The following TGM5 variants were observed in gnomAD, a reference collection of about 807,000 sequenced individuals.
TGM5 encodes the protein transglutaminase 5.
Under a neutral mutation model 77.2 loss-of-function variants are expected in TGM5, and 69 were observed. The ratio of observed to expected loss-of-function variants is 0.89; its 90% confidence interval spans 0.74 to 1.09. The LOEUF (loss-of-function observed/expected upper bound fraction) is 1.09, where lower values mean the gene tolerates loss of function less well. Among genes scored for constraint, TGM5 ranks in the 50% least tolerant of loss-of-function variants. The probability of loss-of-function intolerance (pLI) is 0.00; values close to 1 mark genes in which losing one functional copy is unlikely to be tolerated. For missense variants in TGM5, 842 were observed against 896.5 expected (o/e 0.94, Z 0.78); for synonymous variants, 346 against 351.8 (o/e 0.98, Z 0.18).
intron 5 of TGM5, 69 bp from the exon 6 acceptor site, chr15:43,253,005 T>A: frequency 6.5e-7 from 1 of 1,541,810 alleles, no homozygotes; most frequent in Non-Finnish European, 8.9e-7. Flanking sequence ...GTGGGCTGCC[T>A]TGGAAGACCC....
chr15:43,239,202 A>G lies in TGM5; in HGVS notation c.1066T>C (p.Trp356Arg), dbSNP rs752941309. The change falls in exon 8 of 13, where the codon TGG becomes CGG. Residue 356 changes from tryptophan (W) to arginine (R), a missense_variant. Around this residue, in one of 2 missense-constraint regions of TGM5, gnomAD observed 815 missense variants for 844.6 expected, o/e 0.96. Coordinates refer to ENST00000220420, the MANE Select transcript of TGM5 (RefSeq NM_201631.4). ...RKDLPPAYGG[W>R]QVLDATPQEM... ...TGAGGTGTGGCGTCCAGCACCTGCC[A>G]GCCTCCATATGCAGGGGGCAGATCC... 14 of 1,614,142 alleles carry G rather than the reference A, an allele frequency of 8.7e-6. No homozygotes were observed. The highest frequency in any genetic ancestry group is 1.2e-5 in the Non-Finnish European group (14 of 1,180,002).
In TGM5 at chr15:43,235,767, G is replaced by C; in HGVS notation, c.1416C>G (p.Ser472=). ...AAGGTTGCAACTCTGCTCCTCTTTG[G>C]GAGCCATGGAAGCTTCTAGCCTTCA... is the stretch of plus-strand genomic sequence containing the variant. The part of the protein sequence containing the change: ...QKLKARSFHG[S]QRGAELQPSR... Residue 472 remains serine (S), a synonymous_variant, in exon 10 of 13, where the codon TCC becomes TCG. Transcript: ENST00000220420. 6.2e-7 allele frequency: 1 copy of C among 1,614,124 alleles called. No individual in the cohort carries two copies. Among genetic ancestry groups the C allele is most frequent in the African/African-American group, 1.3e-5 (1 of 75,036 alleles).
intron 6 of TGM5, among the ~76,000 whole-genome samples, chr15:43,243,297 T>C (rs2042650929): frequency 6.6e-6 from 1 of 152,250 alleles, no homozygotes; most frequent in African/African-American, 2.4e-5. Flanking sequence ...ATGAGTGGTG[T>C]CTTGTGAATC....
At chr15:43,245,696 C>T (rs1425492082) in intron 6 of TGM5, among the ~76,000 whole-genome samples, 3 of 152,064 alleles carry the variant, frequency 2.0e-5, no homozygotes, top group Admixed American at 6.6e-5. Context: ...TCAAGAAGTA[C>T]AAATGAGCAC....
chr15:43,249,230 A>C (rs577625217), intron 6 of TGM5, among the ~76,000 whole-genome samples: 4 of 152,340 alleles, frequency 2.6e-5, no homozygotes, highest in African/African-American at 9.6e-5. Flanking sequence ...TAGACCAGGC[A>C]TATTCCCAGG....
Position 43,232,911 on chromosome 15 carries a change from C to T in TGM5, c.*280G>A, listed in dbSNP as rs990177911. The T allele has an allele frequency of 4.6e-6, 2 of 439,052 alleles. No individual in the cohort carries two copies. The allele number at this position is 439,052 out of a possible 1,614,324, so 27.2% of individuals were successfully genotyped here. A position where few individuals can be genotyped will look rare whatever the true frequency, so the allele number is the denominator to read the frequency against. ...CTACCTGTTCTCTGGATGCTGGAGT[C>T]TCCTATTCATTCATTCAAAAAATAT... On this transcript the variant is annotated 3_prime_UTR_variant, in exon 13 of 13. Transcript: ENST00000220420.
At chr15:43,255,240 G>A (rs2042735152) in intron 4 of TGM5, among the ~76,000 whole-genome samples, 1 of 152,074 alleles carries the variant, frequency 6.6e-6, no homozygotes, top group Non-Finnish European at 1.5e-5. Context: ...AGGCTGAGGT[G>A]GGAGGATCAC....
At position 43,260,255 on chromosome 15, in the gene TGM5, C is replaced by T. The variant is rs201508201; in HGVS notation, c.233G>A (p.Ser78Asn). The T allele has an allele frequency of 6.2e-7, 1 of 1,613,984 alleles. No individual in the cohort carries two copies. Among genetic ancestry groups the T allele is most frequent in the African/African-American group, 1.3e-5 (1 of 75,048 alleles). Residue 78 changes from serine (S) to asparagine (N), a missense_variant, in exon 3 of 13, where the codon AGC becomes AAC. By Grantham distance (46) the Ser-to-Asn change is conservative. Around this residue, in one of 2 missense-constraint regions of TGM5, gnomAD observed 815 missense variants for 844.6 expected, o/e 0.96. Transcript: ENST00000220420. ...GCTGGGGCTGTGATGGCGTGCCAGG[C>T]TGAACACAGCCCGAGTCCCCAAGGC... ...DLALGTRAVF[S>N]LARHHSPSPW... is the part of the protein sequence containing the mutation.
intron 7 of TGM5, among the ~76,000 whole-genome samples, chr15:43,240,322 T>C (rs760312994): frequency 8.5e-5 from 13 of 152,160 alleles, no homozygotes; most frequent in African/African-American, 1.4e-4. Context: ...CTATTACCAT[T>C]AGGTCATACC....
intron 6 of TGM5, among the ~76,000 whole-genome samples, chr15:43,241,932 G>A (rs1408746894): frequency 6.6e-6 from 1 of 152,100 alleles, no homozygotes; most frequent in Non-Finnish European, 1.5e-5. Context: ...GAGCCACCGC[G>A]CCCGGCCTCT....
intron 9 of TGM5, among the ~76,000 whole-genome samples, chr15:43,238,508 C>G (rs2042606887): frequency 6.6e-6 from 1 of 152,232 alleles, no homozygotes; most frequent in African/African-American, 2.4e-5. Context: ...AGAGTGTTTA[C>G]TAAATTCCCT....
intron 6 of TGM5, among the ~76,000 whole-genome samples, chr15:43,251,584 GCTTAACACAATAAATAACCTTCTGAT>G (rs2042703928): frequency 6.6e-6 from 1 of 152,106 alleles, no homozygotes; most frequent in Admixed American, 6.5e-5. Context: ...TCTCTCCCCA[GCTTAACACAATAAATAACCTTCTGAT>G]CGCCACCCAA....
chr15:43,260,246 C>A lies in TGM5; in HGVS notation c.242G>T (p.Arg81Leu), dbSNP rs546033974. The change falls in exon 3 of 13, where the codon CGC (arginine) becomes CTC (leucine). Residue 81 changes from arginine (R) to leucine (L), a missense_variant. Physicochemically the swap from Arg to Leu is moderately radical, Grantham distance 102 (BLOSUM62 -2). Coordinates refer to ENST00000220420, the MANE Select transcript of TGM5 (RefSeq NM_201631.4). ...LGTRAVFSLA[R>L]HHSPSPWIAW... ...AATCCAGGGGCTGGGGCTGTGATGG[C>A]GTGCCAGGCTGAACACAGCCCGAGT... 1 of 1,613,882 alleles carries A rather than the reference C, an allele frequency of 6.2e-7. No homozygotes were observed. Among genetic ancestry groups the A allele is most frequent in the Admixed American group, 1.7e-5 (1 of 60,018 alleles).
chr15:43,240,627 G>A (rs1566829999), intron 7 of TGM5, among the ~76,000 whole-genome samples: 1 of 148,500 alleles, frequency 6.7e-6, no homozygotes, highest in Non-Finnish European at 1.5e-5. Context: ...CTTATGATAT[G>A]AGACTTCTAA....
chr15:43,253,034 G>T, intron 5 of TGM5, 98 bp from the exon 6 acceptor site: 1 of 1,356,552 alleles, frequency 7.4e-7, no homozygotes, highest in Non-Finnish European at 1.0e-6. Context: ...GAGAAACAGA[G>T]GAGAGACTTT....
chr15:43,263,596 A>T (rs2042804996), intron 1 of TGM5, among the ~76,000 whole-genome samples: 1 of 152,242 alleles, frequency 6.6e-6, no homozygotes, highest in South Asian at 2.1e-4. Context: ...TGCTGGGACA[A>T]GTGGATATCC....
intron 1 of TGM5, among the ~76,000 whole-genome samples, chr15:43,263,812 T>G (rs983399276): frequency 2.6e-5 from 4 of 152,116 alleles, no homozygotes; most frequent in African/African-American, 9.7e-5. Flanking sequence ...ACCAAATGAA[T>G]TGGACCTCAT....
At position 43,260,051 on chromosome 15, in the gene TGM5, CCTGGG is replaced by C. The variant is rs755308442; in HGVS notation, c.432_436del (p.Cys144Ter). 7 of 1,613,566 alleles carry C rather than the reference CCTGGG, an allele frequency of 4.3e-6. No homozygotes were observed. In the South Asian group the frequency reaches 7.7e-5, roughly 18 times the overall value. On this transcript the variant is annotated stop_gained and frameshift_variant and splice_region_variant, in exon 3 of 13. Coordinates refer to ENST00000220420, the MANE Select transcript of TGM5 (RefSeq NM_201631.4). LOFTEE classifies it high-confidence loss of function. ...GGCACCGCCTGGGCACCCAGCCTTACCTGGGCACCAGGGATTGAAAAGCAGGATGA... is the reference window on the plus strand; with the variant it reads ...GGCACCGCCTGGGCACCCAGCCTTACCACCAGGGATTGAAAAGCAGGATGA...
intron 6 of TGM5, among the ~76,000 whole-genome samples, chr15:43,246,963 GC>G (rs2042673399): frequency 6.6e-6 from 1 of 152,054 alleles, no homozygotes; most frequent in Non-Finnish European, 1.5e-5. Flanking sequence ...TTTGAGACCA[GC>G]CTGGCCAACA....
Sources: allele counts gnomAD v4.1 joint callset (sites outside exome capture counted in the v4.1 genomes callset), GRCh38; gene constraint gnomAD v4.1.1; regional missense constraint gnomAD v4.1.1; transcripts MANE v1.5; gene names NCBI Gene and HGNC (gene_info 2026-07-23, HGNC 2026-07-21).